TBC1D1: variants seen among roughly 807,000 people sequenced by gnomAD.
TBC1D1 encodes TBC1 domain family member 1.
In TBC1D1, 89 loss-of-function variants were observed where a neutral mutation model predicts 125.6. That is an observed-to-expected ratio of 0.71 (90% CI 0.60 to 0.85). TBC1D1 has a LOEUF of 0.85. Among genes scored for constraint, TBC1D1 ranks in the 40% least tolerant of loss-of-function variants. TBC1D1 has a pLI of 0.00. For synonymous variants in TBC1D1, 565 were observed against 564.1 expected, an observed-to-expected ratio of 1.00 and a Z score of -0.02; for missense variants, 1,377 against 1,469.2, an observed-to-expected ratio of 0.94 and a Z score of 1.03.
intron 12 of TBC1D1, among the ~76,000 whole-genome samples, chr4:38,062,268 G>GT (rs562627652): frequency 0.033 from 4,684 of 141,264 alleles, 115 homozygotes; most frequent in Middle Eastern, 0.054. Context: ...AAGTGTGCTT[G>GT]TTTTTTTTTT....
At chr4:38,049,936 G>T in intron 11 of TBC1D1, 38 bp downstream of exon 11, 2 of 1,580,460 alleles carry the variant, frequency 1.3e-6, no homozygotes, top group South Asian at 2.3e-5. Flanking sequence ...AATAGCTGGG[G>T]CATATCTGTG....
intron 17 of TBC1D1, chr4:38,118,442 T>TACA: frequency 4.6e-6 from 2 of 436,208 alleles, no homozygotes; most frequent in East Asian, 4.0e-5. Context: ...GTAGATCCGA[T>TACA]CGCTCACCAT....
chr4:37,919,665 T>C (rs1720509134), intron 2 of TBC1D1, among the ~76,000 whole-genome samples: 1 of 152,200 alleles, frequency 6.6e-6, no homozygotes, highest in African/African-American at 2.4e-5. Flanking sequence ...AGTTTAGATA[T>C]ATGAGCTTCC....
At chr4:38,074,773 T>C (rs956141545) in intron 12 of TBC1D1, among the ~76,000 whole-genome samples, 2 of 151,936 alleles carry the variant, frequency 1.3e-5, no homozygotes, top group African/African-American at 4.8e-5. Context: ...TCTTTTTTTT[T>C]TTTTTTGAGA....
intron 2 of TBC1D1, among the ~76,000 whole-genome samples, chr4:37,956,917 C>A (rs1162180528): frequency 6.8e-6 from 1 of 147,226 alleles, no homozygotes; most frequent in Non-Finnish European, 1.5e-5. Context: ...CCAGCCTGGG[C>A]AACAGAGCAA....
At chr4:38,065,967 A>G (rs942536376) in intron 12 of TBC1D1, among the ~76,000 whole-genome samples, 1 of 152,186 alleles carries the variant, frequency 6.6e-6, no homozygotes, top group African/African-American at 2.4e-5. Flanking sequence ...CCATCTTTTA[A>G]GAGATGAGGA....
chr4:38,044,303 A>C (rs1215229015), intron 8 of TBC1D1, 59 bp from the exon 9 acceptor site: 8 of 1,542,654 alleles, frequency 5.2e-6, no homozygotes, highest in Non-Finnish European at 7.0e-6. Flanking sequence ...GAGATTTTTC[A>C]TTCCTTTAAG....
intron 2 of TBC1D1, among the ~76,000 whole-genome samples, chr4:38,001,425 G>A (rs1739064322): frequency 6.6e-6 from 1 of 152,142 alleles, no homozygotes. Flanking sequence ...GTTCCAATAT[G>A]TGAGCATAAT....
intron 2 of TBC1D1, among the ~76,000 whole-genome samples, chr4:37,913,998 A>T (rs866409352): frequency 6.6e-6 from 1 of 152,144 alleles, no homozygotes; most frequent in Middle Eastern, 3.4e-3. Context: ...CTCTTGGAGA[A>T]CCACACCTGC....
At chr4:38,022,931 A>G (rs970911586) in intron 6 of TBC1D1, among the ~76,000 whole-genome samples, 1 of 152,204 alleles carries the variant, frequency 6.6e-6, no homozygotes, top group Admixed American at 6.5e-5. Context: ...ATCATTTCTC[A>G]TGTTTGTAGA....
chr4:38,049,769 C>T lies in TBC1D1; in HGVS notation c.1781C>T (p.Ala594Val), dbSNP rs1390572576. 10 of 1,614,166 alleles carry T rather than the reference C, an allele frequency of 6.2e-6. No homozygotes were observed. The highest frequency in any genetic ancestry group is 7.6e-6 in the Non-Finnish European group (9 of 1,180,028). The change falls in exon 11 of 20, where the codon GCA becomes GTA. Residue 594 changes from alanine (A) to valine (V), a missense_variant. Around this residue, in one of 3 missense-constraint regions of TBC1D1, gnomAD observed 822 missense variants for 824.6 expected, o/e 1.00. Coordinates refer to ENST00000261439, the MANE Select transcript of TBC1D1 (RefSeq NM_015173.4). The stretch of plus-strand genomic sequence containing the variant: ...CCCCAGCAGGCCTTCAGGAGGCGAG[C>T]AAACACCCTGAGTCACTTCCCCATC...
chr4:37,925,631 T>C (rs184437342), intron 2 of TBC1D1, among the ~76,000 whole-genome samples: 212 of 138,856 alleles, frequency 1.5e-3, no homozygotes, highest in African/African-American at 5.4e-3. Context: ...TGCAGTGAGC[T>C]AAGATCGCGC....
chr4:38,108,637 G>A (rs1404822538), intron 15 of TBC1D1, among the ~76,000 whole-genome samples: 1 of 152,196 alleles, frequency 6.6e-6, no homozygotes, highest in Non-Finnish European at 1.5e-5. Context: ...CGTGTGTCCA[G>A]ACTACACGTG....
intron 2 of TBC1D1, among the ~76,000 whole-genome samples, chr4:37,913,462 G>T (rs1719030548): frequency 6.6e-6 from 1 of 151,976 alleles, no homozygotes; most frequent in African/African-American, 2.4e-5. Context: ...AGGCAGGTGT[G>T]GTGGCACATG....
chr4:38,060,641 C>T (rs372144173), intron 12 of TBC1D1: 3 of 1,289,100 alleles, frequency 2.3e-6, no homozygotes, highest in Non-Finnish European at 2.0e-6. Context: ...GGATCGCCAT[C>T]GTTGGCCTGT....
intron 2 of TBC1D1, among the ~76,000 whole-genome samples, chr4:37,993,916 T>C (rs189632172): frequency 5.1e-4 from 77 of 152,378 alleles, no homozygotes; most frequent in Admixed American, 3.3e-3. Flanking sequence ...CAGCATCAGC[T>C]CTTGGCTGGC....
rs188000536 is a variant in TBC1D1 at position 38,109,223 on chromosome 4, T to A, written c.2557+6066T>A. ...ATGGAGGTCAGTTGAACAATCACAG[T>A]TGAGGAGCCTAATGAATTCTTGCAC... On this transcript the variant is annotated intron_variant, in intron 15 of 19. Coordinates refer to ENST00000261439, the MANE Select transcript of TBC1D1 (RefSeq NM_015173.4). 1.3e-4 allele frequency among the ~76,000 whole-genome samples: 20 copies of A among 152,322 alleles called. 1 individual carries two copies. In the East Asian group the frequency reaches 3.3e-3, roughly 25 times the overall value.
chr4:38,038,948 GA>G (rs565226039), intron 8 of TBC1D1, among the ~76,000 whole-genome samples: 115 of 137,728 alleles, frequency 8.3e-4, no homozygotes, highest in African/African-American at 9.8e-4. Context: ...TCCCTCTCGG[GA>G]AAAAAAAAAA....
chr4:37,946,113 G>A (rs1329177107), intron 2 of TBC1D1, among the ~76,000 whole-genome samples: 1 of 152,178 alleles, frequency 6.6e-6, no homozygotes, highest in Non-Finnish European at 1.5e-5. Flanking sequence ...ATTGGCAAAA[G>A]CAATGATCTT....
Sources: gnomAD v4.1 joint callset for allele counts (sites outside exome capture counted in the v4.1 genomes callset) on GRCh38, gnomAD v4.1.1 for gene constraint, gnomAD v4.1.1 regional missense constraint, MANE v1.5 for transcripts, NCBI Gene and HGNC (gene_info 2026-07-23, HGNC 2026-07-21) for gene names.